Variants in NAALADL2 observed in about 807,000 individuals in gnomAD.
NAALADL2 encodes N-acetylated alpha-linked acidic dipeptidase like 2, also known as inactive N-acetylated-alpha-linked acidic dipeptidase-like protein 2.
NAALADL2 carries 76 observed loss-of-function variants against 87.2 expected under a neutral mutation model. The observed-to-expected ratio is 0.87, with a 90% CI of 0.72 to 1.05. The LOEUF is 1.05. Ranked by LOEUF, NAALADL2 falls within the 50% of genes least tolerant of loss-of-function variation. The pLI is 0.00. For synonymous variants in NAALADL2, 354 were observed against 331.0 expected (o/e 1.07, Z -0.75); for missense variants, 1,089 against 945.8 (o/e 1.15, Z -1.99).
chr3:174,906,298 C>A (rs984982225), intron 1 of NAALADL2, among the ~76,000 whole-genome samples: 5 of 152,090 alleles, frequency 3.3e-5, no homozygotes, highest in Admixed American at 2.6e-4. Flanking sequence ...TGGTAGGCAA[C>A]CTCTAATATC....
At chr3:175,258,035 G>A (rs892994981) in intron 4 of NAALADL2, among the ~76,000 whole-genome samples, 2 of 152,070 alleles carry the variant, frequency 1.3e-5, no homozygotes, top group Admixed American at 6.6e-5. Flanking sequence ...GGGGCCAGGC[G>A]CGGTGTCTCA....
intron 11 of NAALADL2, among the ~76,000 whole-genome samples, chr3:175,735,328 A>G (rs1744351728): frequency 6.6e-6 from 1 of 152,106 alleles, no homozygotes; most frequent in Admixed American, 6.5e-5. Context: ...ACTTTCCCAC[A>G]TTTCCCTGTC....
chr3:175,432,495 A>G lies in NAALADL2; in HGVS notation c.1091-14734A>G, dbSNP rs77521346. Among the ~76,000 whole-genome samples, 773 of 152,144 alleles carry G rather than the reference A, an allele frequency of 5.1e-3. 22 individuals carry two copies. The highest frequency in any genetic ancestry group is 0.038 in the Admixed American group (576 of 15,244). On this transcript the variant is annotated intron_variant, in intron 5 of 13. Transcript: ENST00000454872. ...TAAAACCCACCATAATAAAGACTCT[A>G]TAATTTTAGTCTTAATCAACACCAT...
chr3:174,867,928 C>T (rs1406480983), intron 1 of NAALADL2, among the ~76,000 whole-genome samples: 1 of 151,918 alleles, frequency 6.6e-6, no homozygotes, highest in Non-Finnish European at 1.5e-5. Flanking sequence ...CGTTGGATTA[C>T]CTAGATGAGC....
At chr3:175,263,583 A>G (rs975275078) in intron 4 of NAALADL2, among the ~76,000 whole-genome samples, 5 of 151,888 alleles carry the variant, frequency 3.3e-5, no homozygotes, top group African/African-American at 7.2e-5. Context: ...TGATTTTCGC[A>G]TATTTCTTAT....
intron 3 of NAALADL2, among the ~76,000 whole-genome samples, chr3:174,770,691 T>G (rs915152956): frequency 6.6e-6 from 1 of 151,898 alleles, no homozygotes; most frequent in African/African-American, 2.4e-5. Flanking sequence ...GTACAAAAAA[T>G]TAGCTGGGCT....
rs532341355 is a variant in NAALADL2 at position 175,256,723 on chromosome 3, T to C, written c.939+193T>C. ...CACATTAGAACATTTTAATTTAAGA[T>C]ATTTAAGAACAATATATTTATGCCC... is the stretch of plus-strand genomic sequence containing the variant. On this transcript the variant is annotated intron_variant, in intron 4 of 13. Transcript: ENST00000454872. 190 of 415,908 alleles carry C rather than the reference T, an allele frequency of 4.6e-4. 1 individual carries two copies. The highest frequency in any genetic ancestry group is 4.2e-3 in the Middle Eastern group (7 of 1,648). 25.8% of individuals were successfully genotyped at this position (415,908 alleles called of 1,614,324 possible).
chr3:175,212,950 T>G (rs6804034), intron 2 of NAALADL2, among the ~76,000 whole-genome samples: 113,985 of 152,016 alleles, frequency 0.75, 43,913 homozygotes, highest in African/African-American at 0.93. Flanking sequence ...AGTGGGTGAG[T>G]GGAGCAAGTA....
intron 5 of NAALADL2, among the ~76,000 whole-genome samples, chr3:175,373,651 T>C (rs1264814761): frequency 6.6e-6 from 1 of 152,208 alleles, no homozygotes; most frequent in Non-Finnish European, 1.5e-5. Context: ...TTTGTAAACA[T>C]AGATTTTCTT....
At chr3:174,749,456 T>A (rs1018560649) in intron 3 of NAALADL2, among the ~76,000 whole-genome samples, 2 of 152,186 alleles carry the variant, frequency 1.3e-5, no homozygotes, top group African/African-American at 2.4e-5. Context: ...AGAATGGATT[T>A]TCCATTTCTG....
chr3:175,683,005 G>C (rs1390642096), intron 11 of NAALADL2, among the ~76,000 whole-genome samples: 3 of 151,942 alleles, frequency 2.0e-5, no homozygotes, highest in African/African-American at 7.2e-5. Flanking sequence ...TAACACTCTT[G>C]TGTTTGCTGG....
intron 1 of NAALADL2, among the ~76,000 whole-genome samples, chr3:174,975,720 T>C (rs1744276800): frequency 1.3e-5 from 2 of 152,154 alleles, no homozygotes; most frequent in African/African-American, 2.4e-5. Flanking sequence ...CGTTCAACCA[T>C]GTTATGAGTT....
chr3:175,722,285 T>C (rs980130424), intron 11 of NAALADL2, among the ~76,000 whole-genome samples: 2 of 152,142 alleles, frequency 1.3e-5, no homozygotes, highest in South Asian at 2.1e-4. Context: ...GAATTATAAA[T>C]GTATATTTAA....
chr3:175,026,290 A>G (rs1316819959), intron 1 of NAALADL2, among the ~76,000 whole-genome samples: 1 of 151,958 alleles, frequency 6.6e-6, no homozygotes, highest in Non-Finnish European at 1.5e-5. Context: ...AGACTAGTAA[A>G]ATGTTTGAAG....
chr3:174,853,544 C>G (rs1725507172), intron 3 of NAALADL2, among the ~76,000 whole-genome samples: 1 of 151,678 alleles, frequency 6.6e-6, no homozygotes, highest in Admixed American at 6.6e-5. Context: ...GGGATCACAC[C>G]AAATTAAAAA....
intron 5 of NAALADL2, among the ~76,000 whole-genome samples, chr3:175,436,323 G>A (rs1003509071): frequency 1.1e-4 from 16 of 149,396 alleles, no homozygotes; most frequent in African/African-American, 3.5e-4. Flanking sequence ...GTGTGCATGC[G>A]TCTTTATAGC....
intron 1 of NAALADL2, among the ~76,000 whole-genome samples, chr3:174,980,288 C>A (rs1744940857): frequency 2.6e-5 from 4 of 152,110 alleles, no homozygotes; most frequent in Admixed American, 2.0e-4. Flanking sequence ...ACATGCCTCC[C>A]ATATTGGAGG....
intron 3 of NAALADL2, among the ~76,000 whole-genome samples, chr3:175,241,457 G>C (rs906908988): frequency 6.6e-6 from 1 of 152,054 alleles, no homozygotes; most frequent in Non-Finnish European, 1.5e-5. Flanking sequence ...CTGACCTCAG[G>C]GGATCCACCC....
chr3:174,665,188 A>G (rs1005788849), intron 2 of NAALADL2, among the ~76,000 whole-genome samples: 1 of 152,202 alleles, frequency 6.6e-6, no homozygotes, highest in African/African-American at 2.4e-5. Flanking sequence ...TGGAATTATT[A>G]TGAGCATTAC....
Sources: gnomAD v4.1 joint callset for allele counts (sites outside exome capture counted in the v4.1 genomes callset) on GRCh38, gnomAD v4.1.1 for gene constraint, MANE v1.5 for transcripts, NCBI Gene and HGNC (gene_info 2026-07-23, HGNC 2026-07-21) for gene names.